INVS: variants seen among roughly 807,000 people sequenced by gnomAD.
INVS encodes inversin.
In INVS, 86 loss-of-function variants were observed where a neutral mutation model predicts 108.8. The ratio of observed to expected loss-of-function variants is 0.79; its 90% CI spans 0.66 to 0.95. The LOEUF (loss-of-function observed/expected upper bound fraction) is 0.95. Ranked by LOEUF, INVS falls within the 40% of genes least tolerant of loss-of-function variation. The pLI is 0.00. For missense variants in INVS, 1,169 were observed against 1,297.4 expected, an observed-to-expected ratio of 0.90 and a Z score of 1.52; for synonymous variants, 455 against 473.5, an observed-to-expected ratio of 0.96 and a Z score of 0.51.
In INVS at chr9:100,242,647, C is replaced by A; in HGVS notation, c.874C>A (p.Pro292Thr). 1 of 1,609,444 alleles carries A rather than the reference C, an allele frequency of 6.2e-7. No individual in the cohort carries two copies. Among genetic ancestry groups the A allele is most frequent in the Non-Finnish European group, 8.5e-7 (1 of 1,175,866 alleles). Residue 292 changes from proline to threonine, a missense_variant, in exon 7 of 17, where the codon CCT (proline) becomes ACT (threonine). Pro to Thr is a conservative substitution (Grantham distance 38). Transcript: ENST00000262457. ...TIPSDSQGATPLHYAAQSNFA... is the reference protein window; with the variant it reads ...TIPSDSQGATTLHYAAQSNFA... ...CCCATCTGACAGCCAAGGAGCCACA[C>A]CTTTGCACTATGCTGCTCAGAGTAA... is the stretch of plus-strand genomic sequence containing the variant.
chr9:100,193,605 T>A lies in INVS; in HGVS notation c.274-32457T>A, dbSNP rs534258278. Among the ~76,000 whole-genome samples the A allele has an allele frequency of 2.0e-4, 30 of 152,170 alleles. No homozygotes were observed. In the South Asian group the frequency reaches 5.6e-3, roughly 28 times the overall value. ...TTCAAACCACTCTCTGCCTCCACCC[T>A]CCCTCCCCAAGCAACCAGTGATCTG... On this transcript the variant is annotated intron_variant, in intron 3 of 16. Coordinates refer to ENST00000262457, the MANE Select transcript of INVS (RefSeq NM_014425.5).
chr9:100,107,578 C>T (rs543646896), intron 2 of INVS, among the ~76,000 whole-genome samples: 86 of 152,250 alleles, frequency 5.6e-4, no homozygotes, highest in Non-Finnish European at 1.1e-3. Flanking sequence ...TTGCCTGAAA[C>T]GCTGTTCTCC....
At chr9:100,191,258 T>C (rs1588076940) in intron 3 of INVS, among the ~76,000 whole-genome samples, 1 of 152,202 alleles carries the variant, frequency 6.6e-6, no homozygotes, top group Non-Finnish European at 1.5e-5. Flanking sequence ...TCCTTAATTA[T>C]TCCCTCAGAT....
At chr9:100,253,994 G>C (rs1191471650) in intron 10 of INVS, among the ~76,000 whole-genome samples, 1 of 152,162 alleles carries the variant, frequency 6.6e-6, no homozygotes, top group African/African-American at 2.4e-5. Context: ...TCGCCACACT[G>C]TCTTCCACAA....
At chr9:100,254,397 C>G (rs1411043301) in intron 10 of INVS, among the ~76,000 whole-genome samples, 1 of 152,126 alleles carries the variant, frequency 6.6e-6, no homozygotes, top group Non-Finnish European at 1.5e-5. Context: ...GTTTCTTTTG[C>G]TGTGCAGAAG....
At position 100,102,373 on chromosome 9, in the gene INVS, G is replaced by T. The variant is rs79430681; in HGVS notation, c.-24-2125G>T. Among the ~76,000 whole-genome samples, 603 of 152,200 alleles carry T rather than the reference G, an allele frequency of 4.0e-3. 4 individuals carry two copies. The highest frequency in any genetic ancestry group is 0.014 in the African/African-American group (584 of 41,512). ...TTCTTACAAGCTCCATGAGACTACC[G>T]GTCAGAACAAAATTGTCCTTATTGA... On this transcript the variant is annotated intron_variant, in intron 1 of 16. Coordinates refer to ENST00000262457, the MANE Select transcript of INVS (RefSeq NM_014425.5).
At chr9:100,258,876 G>A (rs1832516326) in intron 10 of INVS, among the ~76,000 whole-genome samples, 1 of 152,220 alleles carries the variant, frequency 6.6e-6, no homozygotes, top group Admixed American at 6.5e-5. Context: ...GGACCCACTT[G>A]AGGAGGTAGT....
chr9:100,103,569 A>G (rs1185729094), intron 1 of INVS, among the ~76,000 whole-genome samples: 1 of 151,894 alleles, frequency 6.6e-6, no homozygotes, highest in Non-Finnish European at 1.5e-5. Flanking sequence ...CAGAGGCTGC[A>G]ATGAGCTGAC....
intron 4 of INVS, among the ~76,000 whole-genome samples, chr9:100,227,444 C>T (rs913209313): frequency 6.6e-6 from 1 of 152,124 alleles, no homozygotes; most frequent in Non-Finnish European, 1.5e-5. Flanking sequence ...TATATTTAAA[C>T]AGTTCTTACA....
At chr9:100,142,540 A>G (rs1345776833) in intron 3 of INVS, among the ~76,000 whole-genome samples, 4 of 152,164 alleles carry the variant, frequency 2.6e-5, no homozygotes, top group African/African-American at 4.8e-5. Context: ...CATGAGGGTC[A>G]GGTGTGGTAT....
At chr9:100,289,525 C>T (rs1001781756) in intron 13 of INVS, among the ~76,000 whole-genome samples, 3 of 152,214 alleles carry the variant, frequency 2.0e-5, no homozygotes, top group Admixed American at 2.0e-4. Flanking sequence ...GCTACCTGGG[C>T]AGTTCCTCTT....
chr9:100,260,835 G>A (rs984377391), intron 10 of INVS, among the ~76,000 whole-genome samples: 8 of 152,020 alleles, frequency 5.3e-5, no homozygotes, highest in African/African-American at 1.9e-4. Flanking sequence ...ACTATTATAG[G>A]TAATGTTTCA....
rs181668692 is a variant in INVS, at chr9:100,141,267, G to A, written c.273+14718G>A. 3.3e-4 allele frequency among the ~76,000 whole-genome samples: 51 copies of A among 152,322 alleles called. No homozygotes were observed. The East Asian group carries it at 9.6e-3, about 29-fold the overall frequency. On this transcript the variant is annotated intron_variant, in intron 3 of 16. Transcript: ENST00000262457. ...GAGCTGTACCTTGTAACATTCTGAG[G>A]ACAGGCCTGAATTCTGAGAAGGGAA... is the stretch of plus-strand genomic sequence containing the variant.
At chr9:100,182,888 G>T (rs1286594251) in intron 3 of INVS, among the ~76,000 whole-genome samples, 1 of 152,110 alleles carries the variant, frequency 6.6e-6, no homozygotes, top group South Asian at 2.1e-4. Flanking sequence ...ATGCCCATCA[G>T]TGATAGACTG....
intron 6 of INVS, among the ~76,000 whole-genome samples, chr9:100,241,136 T>C (rs1275152977): frequency 1.3e-5 from 2 of 152,106 alleles, no homozygotes; most frequent in African/African-American, 4.8e-5. Flanking sequence ...GTTTTTAAAT[T>C]ACACATTATC....
chr9:100,109,726 C>T (rs1309889155), intron 2 of INVS, among the ~76,000 whole-genome samples: 3 of 152,134 alleles, frequency 2.0e-5, no homozygotes, highest in Non-Finnish European at 2.9e-5. Context: ...AGTGCAATGG[C>T]GTGATCTCGG....
rs1387479763 is a variant in INVS at position 100,292,703 on chromosome 9, G to A, written c.2446G>A (p.Gly816Arg). 1 of 1,614,162 alleles carries A rather than the reference G, an allele frequency of 6.2e-7. No individual in the cohort carries two copies. Among genetic ancestry groups the A allele is most frequent in the South Asian group, 1.1e-5 (1 of 91,080 alleles). The change falls in exon 14 of 17, where the codon GGG (glycine) becomes AGG (arginine). Residue 816 changes from glycine to arginine, a missense_variant. Coordinates refer to ENST00000262457, the MANE Select transcript of INVS (RefSeq NM_014425.5). ...AGSSRPGSARGEAVHAGQNPP... is the reference protein window; with the variant it reads ...AGSSRPGSARREAVHAGQNPP... ...TTCTAGCCGCCCTGGCAGTGCCCGG[G>A]GGGAGGCGGTCCATGCTGGGCAGAA...
intron 3 of INVS, among the ~76,000 whole-genome samples, chr9:100,167,231 A>C (rs1218605504): frequency 6.6e-6 from 1 of 152,186 alleles, no homozygotes; most frequent in Non-Finnish European, 1.5e-5. Context: ...ATCTCAAAAA[A>C]AAAAAAAGAT....
At chr9:100,160,381 G>A (rs1193472318) in intron 3 of INVS, among the ~76,000 whole-genome samples, 1 of 152,226 alleles carries the variant, frequency 6.6e-6, no homozygotes, top group Non-Finnish European at 1.5e-5. Context: ...TGAATACAGA[G>A]TGATATATAA....
Sources: gnomAD v4.1 joint callset for allele counts (sites outside exome capture counted in the v4.1 genomes callset) on GRCh38, gnomAD v4.1.1 for gene constraint, MANE v1.5 for transcripts, NCBI Gene and HGNC (gene_info 2026-07-23, HGNC 2026-07-21) for gene names.